The following SOX6 variants were observed in gnomAD, a reference collection of about 807,000 sequenced individuals.
The protein encoded by SOX6 is transcription factor SOX-6.
In SOX6, 11 loss-of-function variants were observed where a neutral mutation model predicts 97.8. The ratio of observed to expected loss-of-function variants is 0.11; its 90% CI spans 0.07 to 0.19. SOX6 has a LOEUF of 0.19. Ranked by LOEUF, SOX6 falls within the 10% of genes least tolerant of loss-of-function variation. SOX6 has a pLI of 1.00. For synonymous variants in SOX6, 360 were observed against 371.4 expected (o/e 0.97, Z 0.35); for missense variants, 810 against 1,039.5 (o/e 0.78, Z 3.04).
At chr11:16,422,032 G>A (rs2133066031) in intron 1 of SOX6, among the ~76,000 whole-genome samples, 1 of 152,238 alleles carries the variant, frequency 6.6e-6, no homozygotes, top group Admixed American at 6.5e-5. Context: ...GTAGGACTTG[G>A]CAGCAGTCCC....
intron 1 of SOX6, among the ~76,000 whole-genome samples, chr11:16,344,749 ATG>A (rs2134347047): frequency 6.6e-6 from 1 of 152,106 alleles, no homozygotes; most frequent in South Asian, 2.1e-4. Flanking sequence ...GTCAATTTCG[ATG>A]TGACTTTACT....
At chr11:16,446,075 T>C (rs920666070) in intron 1 of SOX6, among the ~76,000 whole-genome samples, 2 of 152,130 alleles carry the variant, frequency 1.3e-5, no homozygotes, top group Admixed American at 6.5e-5. Context: ...TTCTAGATTA[T>C]CTTTTTAATG....
intron 7 of SOX6, among the ~76,000 whole-genome samples, chr11:16,103,105 G>C (rs943667787): frequency 1.3e-5 from 2 of 152,026 alleles, no homozygotes; most frequent in African/African-American, 4.8e-5. Context: ...CAGAGTGGGA[G>C]AGAATCTTCG....
rs922595039 is a variant in SOX6, at chr11:16,039,157, C to T, written c.1623+7357G>A. ...TACCCTACTTACCTTATTTTCCTAT[C>T]CTTAATTTTTATTTCCCACAATCTC... On this transcript the variant is annotated intron_variant, in intron 12 of 15. Coordinates refer to ENST00000683767, the MANE Select transcript of SOX6 (RefSeq NM_001367873.1). 2.6e-5 allele frequency among the ~76,000 whole-genome samples: 4 copies of T among 152,070 alleles called. No individual in the cohort carries two copies. In the East Asian group the frequency reaches 7.7e-4, roughly 29 times the overall value.
intron 14 of SOX6, among the ~76,000 whole-genome samples, chr11:15,987,573 T>C (rs1417930133): frequency 6.6e-6 from 1 of 152,204 alleles, no homozygotes; most frequent in East Asian, 1.9e-4. Context: ...GCTGCCAAAA[T>C]GGAAACAGAG....
chr11:16,025,345 C>T (rs1855186103), intron 12 of SOX6, among the ~76,000 whole-genome samples: 1 of 152,186 alleles, frequency 6.6e-6, no homozygotes. Context: ...AAAAGTCCCA[C>T]TGTAAAATTA....
At chr11:16,514,519 T>C (rs916404721) in intron 4 of SOX6, among the ~76,000 whole-genome samples, 1 of 152,024 alleles carries the variant, frequency 6.6e-6, no homozygotes, top group African/African-American at 2.4e-5. Flanking sequence ...ATAGATAATA[T>C]ATAATATTTA....
chr11:15,974,886 T>C (rs1476724899), intron 15 of SOX6, among the ~76,000 whole-genome samples: 1 of 152,170 alleles, frequency 6.6e-6, no homozygotes, highest in Non-Finnish European at 1.5e-5. Flanking sequence ...TAAGTTATTA[T>C]TTTTTCCATT....
chr11:16,611,130 C>T (rs1848392171), intron 4 of SOX6, among the ~76,000 whole-genome samples: 2 of 152,220 alleles, frequency 1.3e-5, no homozygotes, highest in African/African-American at 4.8e-5. Flanking sequence ...ACTTTGGCCT[C>T]GCACCTCCAG....
chr11:16,645,688 G>A (rs1849003285), intron 3 of SOX6, among the ~76,000 whole-genome samples: 1 of 152,214 alleles, frequency 6.6e-6, no homozygotes, highest in African/African-American at 2.4e-5. Flanking sequence ...TTATGCAGCT[G>A]CAAGCCAAGA....
chr11:16,176,070 C>CGGATGGATGGATGGAT (rs71826187), intron 6 of SOX6, among the ~76,000 whole-genome samples: 24 of 148,422 alleles, frequency 1.6e-4, no homozygotes, highest in African/African-American at 4.0e-4. Flanking sequence ...GACGGACGGA[C>CGGATGGATGGATGGAT]GGATGGATGG....
intron 6 of SOX6, among the ~76,000 whole-genome samples, chr11:16,170,377 CCTTT>C (rs918472130): frequency 1.1e-4 from 16 of 151,140 alleles, no homozygotes; most frequent in South Asian, 2.1e-4. Flanking sequence ...AAAAAAAAAA[CCTTT>C]CTATCATTCA....
intron 4 of SOX6, among the ~76,000 whole-genome samples, chr11:16,511,674 G>A (rs560962175): frequency 6.6e-6 from 1 of 152,194 alleles, no homozygotes; most frequent in South Asian, 2.1e-4. Flanking sequence ...AGGTGACTCA[G>A]TCAAACTAAT....
chr11:16,673,052 A>T (rs1199193679), intron 3 of SOX6, among the ~76,000 whole-genome samples: 1 of 152,208 alleles, frequency 6.6e-6, no homozygotes, highest in Non-Finnish European at 1.5e-5. Context: ...AGCTTGAGCG[A>T]CAGAGCAAGA....
chr11:16,476,227 T>G (rs1184598544), intron 1 of SOX6: 3 of 152,126 alleles, frequency 2.0e-5, no homozygotes, highest in Admixed American at 6.6e-5. Context: ...CTAATAAAAA[T>G]TCACACGCAC....
intron 3 of SOX6, among the ~76,000 whole-genome samples, chr11:16,614,012 G>C (rs1029982205): frequency 6.6e-6 from 1 of 152,158 alleles, no homozygotes; most frequent in Non-Finnish European, 1.5e-5. Context: ...ACAGGAGTGA[G>C]AGCTAAAACT....
chr11:16,349,735 GGAAGGAAGGAAGGAAGGAAGGAAGGGAA>G (rs1590147973), intron 1 of SOX6, among the ~76,000 whole-genome samples: 2 of 135,624 alleles, frequency 1.5e-5, no homozygotes, highest in East Asian at 2.3e-4. Flanking sequence ...AAGGAAGGAA[GGAAGGAAGGAAGGAAGGAAGGAAGGGAA>G]GGAAGGGAAA....
At chr11:16,265,605 A>C (rs1854060427) in intron 3 of SOX6, among the ~76,000 whole-genome samples, 2 of 151,914 alleles carry the variant, frequency 1.3e-5, no homozygotes, top group African/African-American at 4.8e-5. Context: ...GAGGAGAACT[A>C]TCAATCAAAT....
At chr11:16,520,258 A>C (rs1312490134) in intron 4 of SOX6, among the ~76,000 whole-genome samples, 2 of 152,214 alleles carry the variant, frequency 1.3e-5, no homozygotes, top group Non-Finnish European at 2.9e-5. Flanking sequence ...GGTCATAGTC[A>C]TGAATTCTTT....
Sources: gnomAD v4.1 joint callset for allele counts (sites outside exome capture counted in the v4.1 genomes callset) on GRCh38, gnomAD v4.1.1 for gene constraint, MANE v1.5 for transcripts, NCBI Gene and HGNC (gene_info 2026-07-23, HGNC 2026-07-21) for gene names.